Variants in STX3 observed in about 807,000 individuals in gnomAD.
STX3 encodes the protein syntaxin 3.
Under a neutral mutation model 40.2 loss-of-function variants are expected in STX3, and 19 were observed. That is an observed-to-expected ratio of 0.47 (90% CI 0.33 to 0.69). The LOEUF (loss-of-function observed/expected upper bound fraction) is 0.69. STX3 is among the 30% of genes least tolerant of loss of function. The pLI is 0.02. For synonymous variants in STX3, 122 were observed against 132.2 expected, an observed-to-expected ratio of 0.92 and a Z score of 0.53; for missense variants, 364 against 366.7, an observed-to-expected ratio of 0.99 and a Z score of 0.06.
intron 1 of STX3, among the ~76,000 whole-genome samples, chr11:59,772,264 A>G (rs1863695606): frequency 1.3e-5 from 2 of 152,214 alleles, no homozygotes; most frequent in Non-Finnish European, 2.9e-5. Flanking sequence ...GAAATCAGCA[A>G]TGTGCTGTGC....
In STX3 at chr11:59,802,484, A is replaced by T. The variant is rs1865923299; in HGVS notation, c.*1660A>T. On this transcript the variant is annotated 3_prime_UTR_variant, in exon 11 of 11. Coordinates refer to ENST00000337979, the MANE Select transcript of STX3 (RefSeq NM_004177.5). ...CCAGCACTCAGACAGAGCCAAGGCA[A>T]TATCCTCTTGCCCATGGCTATGATG... is the stretch of plus-strand genomic sequence containing the variant. 3.0e-6 allele frequency: 3 copies of T among 985,752 alleles called. No homozygotes were observed. The highest frequency in any genetic ancestry group is 6.1e-5 in the Admixed American group (1 of 16,262). The allele number at this position is 985,752 out of a possible 1,614,324, so 61.1% of individuals were successfully genotyped here.
At chr11:59,759,461 A>T (rs1423725231) in intron 1 of STX3, among the ~76,000 whole-genome samples, 5 of 152,240 alleles carry the variant, frequency 3.3e-5, no homozygotes, top group African/African-American at 1.2e-4. Context: ...CCTAGTATCA[A>T]AGGGTAAATG....
intron 10 of STX3, chr11:59,799,532 T>C (rs1590836113): frequency 4.9e-6 from 2 of 404,306 alleles, no homozygotes; most frequent in East Asian, 3.2e-4. Flanking sequence ...CCTTATTTAA[T>C]ATTTTTCTCA....
chr11:59,804,018 G>A lies in STX3; in HGVS notation c.*3194G>A, dbSNP rs1391784105. Reference sequence around the variant, plus strand: ...CAAAGAATAAACGTATACAGAATTGGGCGGAGGACAGGGACAGGGAGTACA... The same window carrying A: ...CAAAGAATAAACGTATACAGAATTGAGCGGAGGACAGGGACAGGGAGTACA... On this transcript the variant is annotated 3_prime_UTR_variant, in exon 11 of 11. Transcript: ENST00000337979. The A allele has an allele frequency of 1.3e-5, 2 of 152,594 alleles. No homozygotes were observed. The highest frequency in any genetic ancestry group is 2.9e-5 in the Non-Finnish European group (2 of 68,052). The allele number at this position is 152,594 out of a possible 1,614,324, so 9.5% of individuals were successfully genotyped here.
At chr11:59,796,238 A>G (rs1865511375) in intron 9 of STX3, among the ~76,000 whole-genome samples, 1 of 152,180 alleles carries the variant, frequency 6.6e-6, no homozygotes, top group South Asian at 2.1e-4. Context: ...CCACCTAGTA[A>G]GTAGAGGCAC....
In STX3 at chr11:59,802,708, G is replaced by A. The variant is rs114965596; in HGVS notation, c.*1884G>A. On this transcript the variant is annotated 3_prime_UTR_variant, in exon 11 of 11. Transcript: ENST00000337979. ...AATGACTTTGTATTGATTGTGAAAC[G>A]GTTCTGGCTCTGTCTCGATGCAGAA... is the stretch of plus-strand genomic sequence containing the variant. The A allele has an allele frequency of 0.045, 44,324 of 985,666 alleles. 1,113 individuals carry two copies. Among genetic ancestry groups the A allele is most frequent in the African/African-American group, 0.072 (4,143 of 57,308 alleles). 61.1% of individuals were successfully genotyped at this position (985,666 alleles called of 1,614,324 possible).
intron 1 of STX3, among the ~76,000 whole-genome samples, chr11:59,763,351 C>T (rs934221229): frequency 6.6e-6 from 1 of 152,132 alleles, no homozygotes; most frequent in African/African-American, 2.4e-5. Context: ...CCTAGAGGGC[C>T]TTTTCCCCCT....
Position 59,803,305 on chromosome 11 carries a change from G to A in STX3, c.*2481G>A. On this transcript the variant is annotated 3_prime_UTR_variant, in exon 11 of 11. Coordinates refer to ENST00000337979, the MANE Select transcript of STX3 (RefSeq NM_004177.5). ...GAGCATATTTGCCTGAAAAAGGTGA[G>A]CCATCTGTGGGGAGGGTCAGACCTT... The A allele has an allele frequency of 8.1e-7, 1 of 1,231,184 alleles. No individual in the cohort carries two copies. The highest frequency in any genetic ancestry group is 3.2e-5 in the East Asian group (1 of 31,702). 76.3% of individuals were successfully genotyped at this position (1,231,184 alleles called of 1,614,324 possible).
chr11:59,762,752 G>T (rs1433797805), intron 1 of STX3, among the ~76,000 whole-genome samples: 1 of 152,104 alleles, frequency 6.6e-6, no homozygotes, highest in Non-Finnish European at 1.5e-5. Context: ...GGAGGAGGAA[G>T]GATCTAAAGG....
Position 59,805,385 on chromosome 11 carries a change from T to C in STX3, c.*4561T>C, listed in dbSNP as rs1445301622. On this transcript the variant is annotated 3_prime_UTR_variant, in exon 11 of 11. Transcript: ENST00000337979. ...GCACACAACTGCTAAGTTTGTACTT[T>C]TGAAAGTAAATTATTCTTTGTTTGA... 6.6e-6 allele frequency: 1 copy of C among 152,188 alleles called. No homozygotes were observed. Among genetic ancestry groups the C allele is most frequent in the African/African-American group, 2.4e-5 (1 of 41,432 alleles). The allele number at this position is 152,188 out of a possible 1,614,324, so 9.4% of individuals were successfully genotyped here.
chr11:59,768,573 GA>G (rs1863399328), intron 1 of STX3, among the ~76,000 whole-genome samples: 1 of 152,190 alleles, frequency 6.6e-6, no homozygotes, highest in Admixed American at 6.5e-5. Flanking sequence ...GAAGCAATGG[GA>G]TGTGTGCAGA....
chr11:59,783,922 G>A (rs1177520606), intron 2 of STX3, among the ~76,000 whole-genome samples: 2 of 152,206 alleles, frequency 1.3e-5, no homozygotes, highest in Non-Finnish European at 2.9e-5. Flanking sequence ...AGGTTGATGC[G>A]GTCAGAGGAA....
chr11:59,800,792 C>G, intron 10 of STX3, 63 bp from the exon 11 acceptor site: 1 of 1,535,062 alleles, frequency 6.5e-7, no homozygotes, highest in Non-Finnish European at 8.7e-7. Context: ...GTGGCTGACT[C>G]CTTCTGTTGC....
intron 1 of STX3, among the ~76,000 whole-genome samples, 188 bp from the exon 2 acceptor site, chr11:59,773,023 T>C (rs1863747232): frequency 7.0e-6 from 1 of 142,958 alleles, no homozygotes; most frequent in African/African-American, 2.7e-5. Flanking sequence ...AACCCAGCAA[T>C]TGGTAGAGCT....
Position 59,805,797 on chromosome 11 carries a change from TC to T in STX3, c.*4975del, listed in dbSNP as rs1371375838. 6.5e-6 allele frequency: 1 copy of T among 153,254 alleles called. No homozygotes were observed. The highest frequency in any genetic ancestry group is 1.5e-5 in the Non-Finnish European group (1 of 68,744). The allele number at this position is 153,254 out of a possible 1,614,324, so 9.5% of individuals were successfully genotyped here. On this transcript the variant is annotated 3_prime_UTR_variant, in exon 11 of 11. Transcript: ENST00000337979. ...TTTTGCTAAAAGGCAAAGGGTATGT[TC>T]CTTGCCTATTGTCCAACATACCCCT...
At chr11:59,763,509 A>G (rs1863140330) in intron 1 of STX3, among the ~76,000 whole-genome samples, 1 of 152,218 alleles carries the variant, frequency 6.6e-6, no homozygotes. Context: ...TGAAATACGC[A>G]TAGAAGATTA....
At chr11:59,776,478 A>G (rs995521384) in intron 2 of STX3, among the ~76,000 whole-genome samples, 1 of 152,098 alleles carries the variant, frequency 6.6e-6, no homozygotes, top group Admixed American at 6.5e-5. Context: ...GGGATAAATT[A>G]TGTTTCAGAG....
chr11:59,779,407 T>G (rs957143274), intron 2 of STX3, among the ~76,000 whole-genome samples: 4 of 152,154 alleles, frequency 2.6e-5, no homozygotes, highest in African/African-American at 9.7e-5. Context: ...TCATGAGGGC[T>G]CCACCCTTAC....
At chr11:59,771,132 G>A (rs1046414400) in intron 1 of STX3, among the ~76,000 whole-genome samples, 1 of 146,354 alleles carries the variant, frequency 6.8e-6, no homozygotes, top group African/African-American at 2.6e-5. Context: ...ACACATACAA[G>A]TATCCACTTC....
Sources: gnomAD v4.1 joint callset for allele counts (sites outside exome capture counted in the v4.1 genomes callset) on GRCh38, gnomAD v4.1.1 for gene constraint, MANE v1.5 for transcripts, NCBI Gene and HGNC (gene_info 2026-07-23, HGNC 2026-07-21) for gene names.